Variants in MGAT5 observed in about 807,000 individuals in gnomAD.
The protein encoded by MGAT5 is alpha-1,6-mannosylglycoprotein 6-beta-N-acetylglucosaminyltransferase A.
A neutral mutation model predicts 94.3 loss-of-function variants in MGAT5; 30 were observed. That is an observed-to-expected ratio of 0.32 (90% CI 0.24 to 0.43). MGAT5 has a LOEUF of 0.43. MGAT5 is among the 20% of genes least tolerant of loss of function. The probability of loss-of-function intolerance (pLI) is 1.00; values close to 1 mark genes in which losing one functional copy is unlikely to be tolerated. For missense variants in MGAT5, 691 were observed against 905.5 expected (o/e 0.76, Z 3.04); for synonymous variants, 310 against 322.9 (o/e 0.96, Z 0.43).
In MGAT5 at chr2:134,348,337, C is replaced by T. The variant is rs113778280; in HGVS notation, c.1113-1468C>T. 3.8e-3 allele frequency among the ~76,000 whole-genome samples: 574 copies of T among 152,250 alleles called. 6 individuals are homozygous for T. The highest frequency in any genetic ancestry group is 0.014 in the Middle Eastern group (4 of 292). ...CTCCCACTGTGATGAGAGCATATTC[C>T]GTGAGAGCCACACAAGAATCTAAGA... is the stretch of plus-strand genomic sequence containing the variant. On this transcript the variant is annotated intron_variant, in intron 8 of 15. Transcript: ENST00000281923.
chr2:134,315,855 A>G (rs1686968073), intron 2 of MGAT5, among the ~76,000 whole-genome samples: 1 of 152,214 alleles, frequency 6.6e-6, no homozygotes, highest in African/African-American at 2.4e-5. Context: ...CTTAGCAGGT[A>G]GAGGGCTTGT....
intron 10 of MGAT5, among the ~76,000 whole-genome samples, chr2:134,387,332 A>ATATAT: frequency 9.1e-4 from 22 of 24,268 alleles, no homozygotes; most frequent in East Asian, 2.7e-3. Flanking sequence ...ATATATATAT[A>ATATAT]TTTTTTTTTT....
chr2:134,297,578 T>A (rs553687431), intron 2 of MGAT5, among the ~76,000 whole-genome samples: 12 of 152,318 alleles, frequency 7.9e-5, no homozygotes, highest in African/African-American at 2.9e-4. Flanking sequence ...ACAAGGTTGG[T>A]TTAACATTCA....
intron 1 of MGAT5, among the ~76,000 whole-genome samples, chr2:134,205,670 A>G (rs1679993034): frequency 6.6e-6 from 1 of 152,198 alleles, no homozygotes; most frequent in East Asian, 1.9e-4. Context: ...TTGAGGGGTC[A>G]AGGATAGATA....
intron 2 of MGAT5, among the ~76,000 whole-genome samples, chr2:134,310,558 T>C (rs748602421): frequency 4.6e-5 from 7 of 152,188 alleles, no homozygotes; most frequent in Non-Finnish European, 8.8e-5. Flanking sequence ...AAGATCCCAG[T>C]ATACACCTCT....
chr2:134,376,164 CTG>C (rs957768668), intron 10 of MGAT5, among the ~76,000 whole-genome samples: 22 of 152,316 alleles, frequency 1.4e-4, no homozygotes, highest in African/African-American at 4.8e-4. Context: ...GGCAGCAGCA[CTG>C]TCTGTGTTTT....
At chr2:134,377,999 A>G (rs1460158623) in intron 10 of MGAT5, among the ~76,000 whole-genome samples, 1 of 152,196 alleles carries the variant, frequency 6.6e-6, no homozygotes, top group African/African-American at 2.4e-5. Flanking sequence ...AAGGCCTTCA[A>G]ACACGTTGTT....
At position 134,191,184 on chromosome 2, in the gene MGAT5, C is replaced by T. The variant is rs565170892; in HGVS notation, c.-142-63078C>T. Among the ~76,000 whole-genome samples the T allele has an allele frequency of 5.9e-5, 9 of 152,334 alleles. 1 individual carries two copies. Among genetic ancestry groups the T allele is most frequent in the African/African-American group, 1.9e-4 (8 of 41,580 alleles). On this transcript the variant is annotated intron_variant, in intron 1 of 16. Coordinates refer to the MGAT5 transcript ENST00000409645. ...GTGATTTTTATTAGTAATAGTTGGT[C>T]GTACCTAATTGGCATGTGCTGTTTT...
intron 2 of MGAT5, among the ~76,000 whole-genome samples, chr2:134,297,802 T>TG (rs957953684): frequency 3.3e-5 from 5 of 152,146 alleles, no homozygotes; most frequent in African/African-American, 1.2e-4. Context: ...TGTTCACTCT[T>TG]GCCACTTCTA....
At chr2:134,313,188 G>A (rs958822233) in intron 2 of MGAT5, among the ~76,000 whole-genome samples, 1 of 152,000 alleles carries the variant, frequency 6.6e-6, no homozygotes, top group Non-Finnish European at 1.5e-5. Flanking sequence ...CTCGATACGT[G>A]TGTGTCTGTT....
intron 1 of MGAT5, among the ~76,000 whole-genome samples, chr2:134,164,454 A>C (rs955638975): frequency 3.3e-5 from 5 of 152,052 alleles, no homozygotes; most frequent in African/African-American, 1.2e-4. Flanking sequence ...TCTCATGTGG[A>C]GAGGGCCTTG....
intron 10 of MGAT5, among the ~76,000 whole-genome samples, chr2:134,363,284 A>G (rs1680216041): frequency 6.6e-6 from 1 of 152,184 alleles, no homozygotes; most frequent in South Asian, 2.1e-4. Flanking sequence ...CAGCTGAGGG[A>G]GTACAGGTGA....
intron 1 of MGAT5, among the ~76,000 whole-genome samples, chr2:134,193,914 G>A (rs1679368712): frequency 6.6e-6 from 1 of 152,120 alleles, no homozygotes. Context: ...ATCTTAGAAT[G>A]AGTAAAAATA....
At chr2:134,217,031 A>G (rs781761836) in intron 1 of MGAT5, among the ~76,000 whole-genome samples, 3 of 152,142 alleles carry the variant, frequency 2.0e-5, no homozygotes, top group Non-Finnish European at 4.4e-5. Flanking sequence ...CTCATAAACT[A>G]TCTCTGTGGA....
chr2:134,357,396 G>T (rs1026917779), intron 9 of MGAT5, among the ~76,000 whole-genome samples: 3 of 152,160 alleles, frequency 2.0e-5, no homozygotes, highest in African/African-American at 7.2e-5. Context: ...TTATTTGCAT[G>T]ATCAAATTGA....
intron 4 of MGAT5, among the ~76,000 whole-genome samples, chr2:134,327,354 T>C (rs1374752076): frequency 6.6e-6 from 1 of 152,144 alleles, no homozygotes; most frequent in Non-Finnish European, 1.5e-5. Flanking sequence ...CACAATGTTA[T>C]GGCTTCTCTT....
At chr2:134,237,888 T>C (rs1330507696) in intron 1 of MGAT5, among the ~76,000 whole-genome samples, 1 of 151,524 alleles carries the variant, frequency 6.6e-6, no homozygotes, top group Non-Finnish European at 1.5e-5. Flanking sequence ...GTAGCTGGGA[T>C]TACAGACGTG....
chr2:134,441,672 G>A (rs1487072664), intron 14 of MGAT5, 86 bp from the exon 15 acceptor site: 19 of 1,476,922 alleles, frequency 1.3e-5, no homozygotes, highest in African/African-American at 9.7e-5. Context: ...CCAGTGTGCC[G>A]CCTCCATTGC....
chr2:134,363,066 T>A (rs181049334), intron 10 of MGAT5, among the ~76,000 whole-genome samples: 2 of 152,370 alleles, frequency 1.3e-5, no homozygotes, highest in East Asian at 3.9e-4. Flanking sequence ...ATGTGACCTG[T>A]TGACAGGTAA....
Sources: allele counts gnomAD v4.1 joint callset (sites outside exome capture counted in the v4.1 genomes callset), GRCh38; gene constraint gnomAD v4.1.1; transcripts MANE v1.5; gene names NCBI Gene and HGNC (gene_info 2026-07-23, HGNC 2026-07-21).